Variants in KHDRBS2 observed in about 807,000 individuals in gnomAD.
The protein encoded by KHDRBS2 is KH domain-containing, RNA-binding, signal transduction-associated protein 2.
A neutral mutation model predicts 44.3 loss-of-function variants in KHDRBS2; 26 were observed. That is an observed-to-expected ratio of 0.59 (90% CI 0.43 to 0.81). The LOEUF is 0.81. Ranked by LOEUF, KHDRBS2 falls within the 40% of genes least tolerant of loss-of-function variation. The probability of loss-of-function intolerance (pLI) is 0.00; values close to 1 mark genes in which losing one functional copy is unlikely to be tolerated. For missense variants in KHDRBS2, 476 were observed against 433.1 expected, an observed-to-expected ratio of 1.10 and a Z score of -0.88; for synonymous variants, 194 against 151.1, an observed-to-expected ratio of 1.28 and a Z score of -2.08.
At chr6:62,191,602 C>T (rs1824627726) in intron 1 of KHDRBS2, among the ~76,000 whole-genome samples, 1 of 152,100 alleles carries the variant, frequency 6.6e-6, no homozygotes, top group Non-Finnish European at 1.5e-5. Context: ...CAATAGATAA[C>T]TTAGAATTTA....
intron 4 of KHDRBS2, among the ~76,000 whole-genome samples, chr6:61,921,679 CTAAT>C (rs370400620): frequency 3.9e-5 from 6 of 151,916 alleles, no homozygotes; most frequent in Non-Finnish European, 8.8e-5. Context: ...TTTTTAGTAG[CTAAT>C]TAGTTTTCCA....
chr6:61,796,666 G>T (rs1351159911), intron 6 of KHDRBS2, among the ~76,000 whole-genome samples: 1 of 151,998 alleles, frequency 6.6e-6, no homozygotes, highest in Non-Finnish European at 1.5e-5. Context: ...TTTGAAAAAA[G>T]TATTTAATAC....
intron 4 of KHDRBS2, among the ~76,000 whole-genome samples, chr6:61,940,254 A>T (rs867698): frequency 0.39 from 59,715 of 151,260 alleles, 11,868 homozygotes; most frequent in East Asian, 0.47. Flanking sequence ...AAAAAAAAAA[A>T]GAATATATTG....
intron 2 of KHDRBS2, among the ~76,000 whole-genome samples, chr6:62,103,955 A>G (rs947828358): frequency 1.3e-5 from 2 of 152,236 alleles, no homozygotes; most frequent in Non-Finnish European, 2.9e-5. Flanking sequence ...ACTATAAGAA[A>G]CATAAGGTCA....
At chr6:61,542,919 T>C in the KHDRBS2 span, among the ~76,000 whole-genome samples, 1 of 151,958 alleles carries the variant, frequency 6.6e-6, no homozygotes, top group Non-Finnish European at 1.5e-5. Context: ...CTCAGGTACG[T>C]AAAAGTATGC....
chr6:61,869,973 T>TGTTTGTTTG (rs747885952), intron 6 of KHDRBS2, among the ~76,000 whole-genome samples: 40 of 27,654 alleles, frequency 1.4e-3, no homozygotes, highest in South Asian at 4.0e-3. Context: ...TGTTTTTTTT[T>TGTTTGTTTG]TTTTTTTTTT....
At chr6:62,285,209 A>C (rs1842315227) in intron 1 of KHDRBS2, among the ~76,000 whole-genome samples, 1 of 152,164 alleles carries the variant, frequency 6.6e-6, no homozygotes, top group Admixed American at 6.5e-5. Context: ...CAGGTACACA[A>C]AAGAAAATGC....
chr6:61,902,742 A>C (rs1804288288), intron 4 of KHDRBS2, among the ~76,000 whole-genome samples: 1 of 152,142 alleles, frequency 6.6e-6, no homozygotes, highest in South Asian at 2.1e-4. Context: ...GTGAGACTAA[A>C]AATTAATATT....
chr6:62,240,684 A>C (rs1477074598), intron 1 of KHDRBS2, among the ~76,000 whole-genome samples: 1 of 115,466 alleles, frequency 8.7e-6, no homozygotes, highest in Non-Finnish European at 1.7e-5. Flanking sequence ...ATATATATAT[A>C]TATATATATA....
chr6:61,664,784 C>A, the KHDRBS2 span, among the ~76,000 whole-genome samples: 6 of 151,586 alleles, frequency 4.0e-5, no homozygotes, highest in Non-Finnish European at 5.9e-5. Context: ...GTATATTTTG[C>A]ATTTCTTAAA....
the KHDRBS2 span, among the ~76,000 whole-genome samples, chr6:61,624,130 G>C: frequency 6.6e-6 from 1 of 152,198 alleles, no homozygotes; most frequent in Admixed American, 6.5e-5. Context: ...TGTATCATAT[G>C]TCAATGCCAA....
chr6:61,927,253 A>G (rs1276045623), intron 4 of KHDRBS2, among the ~76,000 whole-genome samples: 1 of 152,144 alleles, frequency 6.6e-6, no homozygotes, highest in African/African-American at 2.4e-5. Context: ...TTTGGCACAT[A>G]ATAGATTTAC....
At chr6:62,070,395 T>C (rs918137860) in intron 2 of KHDRBS2, among the ~76,000 whole-genome samples, 3 of 152,090 alleles carry the variant, frequency 2.0e-5, no homozygotes, top group Non-Finnish European at 4.4e-5. Context: ...ATGTGCAGGT[T>C]TGTTACATAT....
chr6:62,086,908 T>G, intron 2 of KHDRBS2, among the ~76,000 whole-genome samples: 1 of 136,032 alleles, frequency 7.4e-6, no homozygotes, highest in Non-Finnish European at 1.6e-5. Flanking sequence ...TTACCAAGAG[T>G]AAAGTCAAAA....
chr6:62,132,342 A>T (rs1463389717), intron 2 of KHDRBS2, among the ~76,000 whole-genome samples: 1 of 152,184 alleles, frequency 6.6e-6, no homozygotes, highest in East Asian at 1.9e-4. Flanking sequence ...TTAAGGTTGT[A>T]GTCCTCAAAG....
chr6:62,138,895 G>A (rs1174765475), intron 2 of KHDRBS2, among the ~76,000 whole-genome samples: 1 of 152,110 alleles, frequency 6.6e-6, no homozygotes, highest in Non-Finnish European at 1.5e-5. Context: ...TGTTTTTAAA[G>A]TAAGAGTGTA....
In KHDRBS2 at chr6:61,993,071, A is replaced by T. The variant is rs1160929131; in HGVS notation, c.337-14859T>A. Among the ~76,000 whole-genome samples the T allele has an allele frequency of 2.0e-5, 3 of 152,270 alleles. No homozygotes were observed. The East Asian group carries it at 5.8e-4, about 29-fold the overall frequency. ...ACAAAATTTCTCTTGGGCCCCGAAAAGCCCCTTTGCAGAATGTTTTCTCAA... is the reference window on the plus strand; with the variant it reads ...ACAAAATTTCTCTTGGGCCCCGAAATGCCCCTTTGCAGAATGTTTTCTCAA... On this transcript the variant is annotated intron_variant, in intron 3 of 8. Transcript: ENST00000281156.
At position 61,782,509 on chromosome 6, in the gene KHDRBS2, C is replaced by T. The variant is rs143865240; in HGVS notation, c.811-49745G>A. ...ACAGACAAATCTAAATCTCAATAAA[C>T]GATCACAGATGAATTAAAGTACTTT... On this transcript the variant is annotated intron_variant, in intron 6 of 8. Coordinates refer to ENST00000281156, the MANE Select transcript of KHDRBS2 (RefSeq NM_152688.4). Among the ~76,000 whole-genome samples, 488 of 151,708 alleles carry T rather than the reference C, an allele frequency of 3.2e-3. 4 individuals are homozygous for T. Among genetic ancestry groups the T allele is most frequent in the African/African-American group, 0.01 (433 of 41,416 alleles).
At chr6:62,067,459 A>T (rs1793998388) in intron 2 of KHDRBS2, among the ~76,000 whole-genome samples, 1 of 151,150 alleles carries the variant, frequency 6.6e-6, no homozygotes, top group Admixed American at 6.6e-5. Flanking sequence ...CATGGCTGCT[A>T]ACTCTTCATT....
Sources: gnomAD v4.1 joint callset for allele counts (sites outside exome capture counted in the v4.1 genomes callset) on GRCh38, gnomAD v4.1.1 for gene constraint, MANE v1.5 for transcripts, NCBI Gene and HGNC (gene_info 2026-07-23, HGNC 2026-07-21) for gene names.